Variants in NTM observed in about 807,000 individuals in gnomAD.
NTM encodes neurotrimin.
In NTM, 13 loss-of-function variants were observed where a neutral mutation model predicts 42.1. That is an observed-to-expected ratio of 0.31 (90% confidence interval 0.20 to 0.49). The LOEUF (loss-of-function observed/expected upper bound fraction) is 0.49. Among genes scored for constraint, NTM ranks in the 20% least tolerant of loss-of-function variants. NTM has a pLI of 0.99. For synonymous variants in NTM, 187 were observed against 179.2 expected (o/e 1.04, Z -0.35); for missense variants, 373 against 452.8 (o/e 0.82, Z 1.60).
chr11:132,291,607 C>T (rs1475155238), intron 4 of NTM, among the ~76,000 whole-genome samples: 1 of 152,064 alleles, frequency 6.6e-6, no homozygotes, highest in Non-Finnish European at 1.5e-5. Flanking sequence ...ATGATATTGC[C>T]TGGGAAATCA....
chr11:132,178,734 G>T (rs185934020), intron 3 of NTM, among the ~76,000 whole-genome samples: 1 of 152,268 alleles, frequency 6.6e-6, no homozygotes, highest in Admixed American at 6.5e-5. Context: ...TATCTCCCAA[G>T]AATGCATGAT....
At chr11:131,668,543 A>G (rs2069525161) in intron 1 of NTM, among the ~76,000 whole-genome samples, 1 of 152,160 alleles carries the variant, frequency 6.6e-6, no homozygotes, top group Non-Finnish European at 1.5e-5. Flanking sequence ...GATAGGAACA[A>G]GGGGCAGGAT....
intron 1 of NTM, among the ~76,000 whole-genome samples, chr11:131,597,195 G>A (rs2458779): frequency 0.82 from 124,235 of 152,060 alleles, 51,010 homozygotes; most frequent in African/African-American, 0.91. Context: ...GACACTCAGC[G>A]TTAACCATCA....
At chr11:131,761,192 G>A (rs2084115928) in intron 1 of NTM, among the ~76,000 whole-genome samples, 1 of 152,146 alleles carries the variant, frequency 6.6e-6, no homozygotes, top group Non-Finnish European at 1.5e-5. Flanking sequence ...CCTGTTATGC[G>A]TTACGGCTTT....
intron 2 of NTM, among the ~76,000 whole-genome samples, chr11:132,101,736 G>T (rs1450132647): frequency 6.6e-6 from 1 of 152,096 alleles, no homozygotes; most frequent in Non-Finnish European, 1.5e-5. Context: ...CGGTGTGTAG[G>T]TATACACCTC....
intron 2 of NTM, among the ~76,000 whole-genome samples, chr11:132,056,771 A>T (rs1261840931): frequency 2.6e-5 from 4 of 152,140 alleles, no homozygotes; most frequent in Non-Finnish European, 5.9e-5. Context: ...CTGTTAGCCA[A>T]ATTCTTACAC....
At chr11:132,122,036 G>A (rs2064922369) in intron 2 of NTM, among the ~76,000 whole-genome samples, 1 of 152,206 alleles carries the variant, frequency 6.6e-6, no homozygotes, top group African/African-American at 2.4e-5. Context: ...GAAACTGAAA[G>A]GGGAGCACCT....
chr11:131,435,010 C>G (rs1565497081), intron 1 of NTM, among the ~76,000 whole-genome samples: 1 of 152,226 alleles, frequency 6.6e-6, no homozygotes, highest in Non-Finnish European at 1.5e-5. Flanking sequence ...CTACATATGA[C>G]TAGCCAGTTT....
At chr11:131,927,437 G>A (rs1311278876) in intron 2 of NTM, among the ~76,000 whole-genome samples, 1 of 152,190 alleles carries the variant, frequency 6.6e-6, no homozygotes, top group Non-Finnish European at 1.5e-5. Context: ...CAAGTCTCTA[G>A]GAAGACTTGG....
At chr11:132,279,635 C>T (rs969058681) in intron 4 of NTM, among the ~76,000 whole-genome samples, 6 of 152,136 alleles carry the variant, frequency 3.9e-5, no homozygotes, top group Admixed American at 6.5e-5. Flanking sequence ...GAATCCTTTC[C>T]GCCATTGATC....
chr11:132,123,784 C>T (rs2065219157), intron 2 of NTM, among the ~76,000 whole-genome samples: 1 of 152,144 alleles, frequency 6.6e-6, no homozygotes, highest in Admixed American at 6.5e-5. Context: ...CATTAGAGAA[C>T]CACGCATGTG....
chr11:132,266,698 G>C (rs996446327), intron 4 of NTM, among the ~76,000 whole-genome samples: 5 of 152,168 alleles, frequency 3.3e-5, no homozygotes, highest in African/African-American at 9.7e-5. Flanking sequence ...AGATCTTTCT[G>C]AAGTTTTGAT....
intron 2 of NTM, among the ~76,000 whole-genome samples, chr11:132,072,106 G>A (rs2136177361): frequency 6.6e-6 from 1 of 152,304 alleles, no homozygotes; most frequent in East Asian, 1.9e-4. Flanking sequence ...GATAGAGGAA[G>A]TGAGTGATGA....
chr11:131,437,249 A>G (rs1401417630), intron 1 of NTM, among the ~76,000 whole-genome samples: 2 of 152,232 alleles, frequency 1.3e-5, no homozygotes, highest in African/African-American at 4.8e-5. Context: ...GCTGAGAAGA[A>G]TGTATATTCT....
At chr11:132,173,227 G>A (rs1345708837) in intron 3 of NTM, among the ~76,000 whole-genome samples, 1 of 152,154 alleles carries the variant, frequency 6.6e-6, no homozygotes, top group African/African-American at 2.4e-5. Flanking sequence ...TTTTCCAGGG[G>A]CTGGCTATGT....
At chr11:131,888,908 ATTTTTTTT>A (rs71067344) in intron 1 of NTM, among the ~76,000 whole-genome samples, 1 of 143,780 alleles carries the variant, frequency 7.0e-6, no homozygotes, top group African/African-American at 2.5e-5. Context: ...ATTCCTCTTT[ATTTTTTTT>A]TTTTTTATTT....
At chr11:131,539,817 A>C (rs1331888693) in intron 1 of NTM, among the ~76,000 whole-genome samples, 1 of 152,180 alleles carries the variant, frequency 6.6e-6, no homozygotes, top group African/African-American at 2.4e-5. Context: ...GTTGAACTCT[A>C]TCTGAGCTAC....
intron 1 of NTM, among the ~76,000 whole-genome samples, chr11:131,558,697 G>A (rs1465639972): frequency 6.6e-6 from 1 of 152,178 alleles, no homozygotes. Flanking sequence ...TAGGGAGCTG[G>A]AAAGTCAAAC....
At chr11:131,992,781 T>C (rs2067263248) in intron 2 of NTM, among the ~76,000 whole-genome samples, 1 of 152,192 alleles carries the variant, frequency 6.6e-6, no homozygotes, top group Non-Finnish European at 1.5e-5. Flanking sequence ...CTTGCACTGG[T>C]GTAACTATGG....
Sources: gnomAD v4.1 joint callset for allele counts (sites outside exome capture counted in the v4.1 genomes callset) on GRCh38, gnomAD v4.1.1 for gene constraint, MANE v1.5 for transcripts, NCBI Gene and HGNC (gene_info 2026-07-23, HGNC 2026-07-21) for gene names.